The following ADGRG7 variants were observed in gnomAD, a reference collection of about 807,000 sequenced individuals.
ADGRG7 encodes G-protein coupled receptor 128.
In ADGRG7, 82 loss-of-function variants were observed where a neutral mutation model predicts 88.6. That is an observed-to-expected ratio of 0.93 (90% CI 0.77 to 1.11). The LOEUF (loss-of-function observed/expected upper bound fraction) is 1.11. Ranked by LOEUF, ADGRG7 falls within the 50% of genes most tolerant of loss-of-function variation. The pLI is 0.00. For missense variants in ADGRG7, 945 were observed against 953.4 expected, an observed-to-expected ratio of 0.99 and a Z score of 0.12; for synonymous variants, 381 against 345.2, an observed-to-expected ratio of 1.10 and a Z score of -1.15.
intron 1 of ADGRG7, among the ~76,000 whole-genome samples, chr3:100,620,833 G>GTT (rs1297824111): frequency 1.3e-5 from 1 of 79,768 alleles, no homozygotes; most frequent in African/African-American, 3.8e-5. Flanking sequence ...TAGGTATTAT[G>GTT]TTTTTTTTTT....
intron 11 of ADGRG7, among the ~76,000 whole-genome samples, chr3:100,652,602 G>A (rs986220018): frequency 6.6e-6 from 1 of 152,060 alleles, no homozygotes; most frequent in Non-Finnish European, 1.5e-5. Flanking sequence ...AAGCAATAAG[G>A]AAAATAATAC....
In ADGRG7 at chr3:100,646,721, A is replaced by C; in HGVS notation, c.1263A>C (p.Leu421Phe). The change falls in exon 10 of 16, where the codon TTA becomes TTC. Residue 421 changes from leucine to phenylalanine, a missense_variant. Physicochemically the swap from Leu to Phe is conservative, Grantham distance 22. Coordinates refer to ENST00000273352, the MANE Select transcript of ADGRG7 (RefSeq NM_032787.3). ...ACCATACTACTAATTTTGCTGTATT[A>C]ATGGTAAGGATATACATAGCAATCT... ...RCNHTTNFAV[L>F]MTFKKDYQYP... is the part of the protein sequence containing the mutation. 1 of 1,613,886 alleles carries C rather than the reference A, an allele frequency of 6.2e-7. No individual in the cohort carries two copies. Among genetic ancestry groups the C allele is most frequent in the Middle Eastern group, 1.6e-4 (1 of 6,062 alleles).
At chr3:100,664,910 T>G in intron 14 of ADGRG7, 1 of 330,666 alleles carries the variant, frequency 3.0e-6, no homozygotes, top group South Asian at 2.8e-5. Flanking sequence ...TGATCAAACT[T>G]TGCACAAATG....
chr3:100,687,772 G>A (rs865840987), intron 15 of ADGRG7, among the ~76,000 whole-genome samples: 5 of 152,138 alleles, frequency 3.3e-5, no homozygotes, highest in African/African-American at 4.8e-5. Context: ...TGCTGGATTC[G>A]GTTTGCCAGT....
At chr3:100,659,904 C>A in intron 14 of ADGRG7, 61 bp downstream of exon 14, 3 of 1,470,780 alleles carry the variant, frequency 2.0e-6, no homozygotes, top group Non-Finnish European at 2.8e-6. Context: ...TAACGCAGCA[C>A]CATAACACAT....
intron 6 of ADGRG7, 52 bp downstream of exon 6, chr3:100,637,454 T>C (rs763455236): frequency 1.7e-6 from 2 of 1,209,832 alleles, no homozygotes; most frequent in East Asian, 4.7e-5. Context: ...CTGTTTACTT[T>C]CCTAGGCTAA....
At chr3:100,638,923 G>T (rs1707591689) in intron 6 of ADGRG7, among the ~76,000 whole-genome samples, 1 of 151,824 alleles carries the variant, frequency 6.6e-6, no homozygotes. Context: ...AGAAAAATAA[G>T]AAAATATGTA....
At chr3:100,665,135 G>C in intron 14 of ADGRG7, 1 of 535,252 alleles carries the variant, frequency 1.9e-6, no homozygotes, top group Non-Finnish European at 3.8e-6. Flanking sequence ...GGTTAGTTCA[G>C]CTGTCTGGAC....
chr3:100,681,154 A>T (rs1408207173), intron 15 of ADGRG7, among the ~76,000 whole-genome samples: 3 of 152,068 alleles, frequency 2.0e-5, no homozygotes, highest in Non-Finnish European at 4.4e-5. Context: ...AAAAGTACTA[A>T]TGAAGATAAA....
intron 8 of ADGRG7, among the ~76,000 whole-genome samples, 193 bp from the exon 9 acceptor site, chr3:100,645,752 G>A (rs1707733077): frequency 6.6e-6 from 1 of 152,048 alleles, no homozygotes; most frequent in African/African-American, 2.4e-5. Context: ...AATTAATGTG[G>A]GTGGAATGGC....
chr3:100,675,309 T>C (rs1432269858), intron 15 of ADGRG7, among the ~76,000 whole-genome samples: 1 of 152,194 alleles, frequency 6.6e-6, no homozygotes, highest in East Asian at 1.9e-4. Context: ...CACGAAGTGA[T>C]GTTGAATTTT....
At chr3:100,643,504 T>C (rs766128499) in intron 7 of ADGRG7, 22 bp from the exon 8 acceptor site, 4 of 1,608,898 alleles carry the variant, frequency 2.5e-6, no homozygotes, top group Non-Finnish European at 2.5e-6. Flanking sequence ...CTTTTACAAT[T>C]CTACTCTTTC....
chr3:100,642,275 C>T (rs1338559000), intron 6 of ADGRG7, among the ~76,000 whole-genome samples: 4 of 152,102 alleles, frequency 2.6e-5, no homozygotes, highest in African/African-American at 7.2e-5. Context: ...GGTATTCCTC[C>T]CATTGAAAGC....
At chr3:100,650,367 T>C (rs1344706514) in intron 11 of ADGRG7, among the ~76,000 whole-genome samples, 1 of 152,220 alleles carries the variant, frequency 6.6e-6, no homozygotes. Flanking sequence ...TGTCACATGC[T>C]ACATTTTTTT....
intron 14 of ADGRG7, among the ~76,000 whole-genome samples, chr3:100,667,173 T>C (rs1192232722): frequency 1.3e-5 from 2 of 152,096 alleles, no homozygotes; most frequent in Non-Finnish European, 2.9e-5. Context: ...CCACCACACC[T>C]GGTTAATTTT....
intron 11 of ADGRG7, among the ~76,000 whole-genome samples, chr3:100,650,914 A>C (rs1347965845): frequency 1.3e-5 from 2 of 152,180 alleles, no homozygotes; most frequent in African/African-American, 4.8e-5. Flanking sequence ...TCTTTTGTAA[A>C]AAGCATACTT....
intron 8 of ADGRG7, among the ~76,000 whole-genome samples, chr3:100,644,532 G>A (rs115534726): frequency 0.023 from 3,544 of 151,958 alleles, 110 homozygotes; most frequent in African/African-American, 0.07. Flanking sequence ...TCCTATATTT[G>A]CTTCAGATCT....
chr3:100,684,261 T>C (rs1299040408), intron 15 of ADGRG7, among the ~76,000 whole-genome samples: 2 of 148,410 alleles, frequency 1.3e-5, no homozygotes, highest in African/African-American at 5.0e-5. Context: ...TTTTATCTAT[T>C]TATTTATTTA....
Position 100,646,612 on chromosome 3 carries a change from A to T in ADGRG7, c.1154A>T (p.Tyr385Phe). 1.9e-6 allele frequency: 3 copies of T among 1,614,062 alleles called. No individual in the cohort carries two copies. The highest frequency in any genetic ancestry group is 2.5e-6 in the Non-Finnish European group (3 of 1,179,926). ...EFQLYSYACVYWNLSAKDWDT... is the reference protein window; with the variant it reads ...EFQLYSYACVFWNLSAKDWDT... ...CAACTCTATTCCTATGCCTGTGTCT[A>T]TTGGAATTTGTCAGCGAAGGACTGG... Residue 385 changes from tyrosine to phenylalanine, a missense_variant, in exon 10 of 16, where the codon TAT becomes TTT. Tyr to Phe is a conservative substitution (Grantham distance 22). Transcript: ENST00000273352.
Sources: allele counts gnomAD v4.1 joint callset (sites outside exome capture counted in the v4.1 genomes callset), GRCh38; gene constraint gnomAD v4.1.1; transcripts MANE v1.5; gene names NCBI Gene and HGNC (gene_info 2026-07-23, HGNC 2026-07-21).